The following AOPEP variants were observed in gnomAD, a reference collection of about 807,000 sequenced individuals.
AOPEP encodes the protein aminopeptidase O.
AOPEP carries 77 observed loss-of-function variants against 98.1 expected under a neutral mutation model. The observed-to-expected ratio is 0.78, with a 90% CI of 0.65 to 0.95. The LOEUF is 0.95. Among genes scored for constraint, AOPEP ranks in the 40% least tolerant of loss-of-function variants. The pLI is 0.00. For synonymous variants in AOPEP, 346 were observed against 365.3 expected (o/e 0.95, Z 0.60); for missense variants, 1,024 against 1,024.7 (o/e 1.00, Z 0.01).
intron 6 of AOPEP, among the ~76,000 whole-genome samples, chr9:94,926,892 A>T (rs569110983): frequency 6.6e-6 from 1 of 152,226 alleles, no homozygotes; most frequent in South Asian, 2.1e-4. Context: ...TTGTGAATCA[A>T]GTCAGTCGCA....
chr9:95,101,368 T>C, the AOPEP span: 5 of 412,374 alleles, frequency 1.2e-5, no homozygotes, highest in Admixed American at 1.9e-4. Flanking sequence ...AAATAATAGA[T>C]GTGCAGCTTG....
chr9:94,906,424 C>T (rs993361250), intron 5 of AOPEP, among the ~76,000 whole-genome samples: 6 of 150,440 alleles, frequency 4.0e-5, no homozygotes, highest in Admixed American at 1.3e-4. Flanking sequence ...CACTGTACTC[C>T]GGCCTGTGTG....
intron 5 of AOPEP, among the ~76,000 whole-genome samples, chr9:94,835,349 C>T (rs374526939): frequency 2.8e-4 from 43 of 152,224 alleles, no homozygotes; most frequent in African/African-American, 1.0e-3. Flanking sequence ...ATCTGTTGTC[C>T]GACCTGTGAT....
At chr9:95,122,575 G>A in the AOPEP span, among the ~76,000 whole-genome samples, 1 of 152,210 alleles carries the variant, frequency 6.6e-6, no homozygotes, top group Admixed American at 6.5e-5. Flanking sequence ...GACCCAGTGT[G>A]TGGTCCCACG....
chr9:95,017,508 G>A (rs185848070), intron 13 of AOPEP, among the ~76,000 whole-genome samples: 54 of 152,280 alleles, frequency 3.5e-4, no homozygotes, highest in African/African-American at 1.2e-3. Context: ...GTGACCCATC[G>A]TTGACTGAAA....
At chr9:95,044,311 G>T (rs780332344) in intron 13 of AOPEP, among the ~76,000 whole-genome samples, 18 of 150,862 alleles carry the variant, frequency 1.2e-4, no homozygotes, top group Non-Finnish European at 2.2e-4. Flanking sequence ...CTGCTAATGG[G>T]CACAAATGGA....
rs544626772 is a variant in AOPEP at position 94,826,427 on chromosome 9, C to T, written c.1364+25425C>T. Among the ~76,000 whole-genome samples, 48 of 152,310 alleles carry T rather than the reference C, an allele frequency of 3.2e-4. No homozygotes were observed. The South Asian group carries it at 6.2e-3, about 20-fold the overall frequency. Reference sequence around the variant, plus strand: ...AGACCCACTGGGGGGACCACAGAGCCTCTTCGTTCCCTTTTCCTGATCCAC... The same window carrying T: ...AGACCCACTGGGGGGACCACAGAGCTTCTTCGTTCCCTTTTCCTGATCCAC... On this transcript the variant is annotated intron_variant, in intron 5 of 16. Coordinates refer to ENST00000375315, the MANE Select transcript of AOPEP (RefSeq NM_001193329.3).
intron 5 of AOPEP, among the ~76,000 whole-genome samples, chr9:94,916,194 C>T (rs1437398473): frequency 6.6e-6 from 1 of 152,092 alleles, no homozygotes; most frequent in Non-Finnish European, 1.5e-5. Flanking sequence ...TTTATTAGCT[C>T]TTTTTATGGG....
At chr9:94,774,311 CAAAAAAA>C (rs34936539) in intron 3 of AOPEP, among the ~76,000 whole-genome samples, 11 of 67,818 alleles carry the variant, frequency 1.6e-4, no homozygotes, top group African/African-American at 6.6e-4. Context: ...GACTCCATCT[CAAAAAAA>C]AAAAAAAAAA....
intron 5 of AOPEP, chr9:94,824,484 T>C (rs1854018489): frequency 6.6e-6 from 1 of 152,220 alleles, no homozygotes; most frequent in Non-Finnish European, 1.5e-5. Flanking sequence ...AGAGAAAATT[T>C]CTGTTCTTCT....
intron 5 of AOPEP, among the ~76,000 whole-genome samples, chr9:94,893,450 A>G (rs1420866945): frequency 1.3e-5 from 2 of 152,194 alleles, no homozygotes; most frequent in African/African-American, 4.8e-5. Context: ...CGAGCCTGAA[A>G]AGGTAAGTAT....
At chr9:94,906,253 G>A (rs2051117240) in intron 5 of AOPEP, among the ~76,000 whole-genome samples, 7 of 150,532 alleles carry the variant, frequency 4.7e-5, no homozygotes, top group Admixed American at 4.6e-4. Flanking sequence ...GAGCCCAGGA[G>A]ATCGAGACCA....
chr9:94,922,317 C>T (rs2053743366), intron 5 of AOPEP, among the ~76,000 whole-genome samples: 2 of 152,130 alleles, frequency 1.3e-5, no homozygotes, highest in South Asian at 2.1e-4. Context: ...GGCTGGAGTC[C>T]GCCCTCCAGT....
At chr9:94,857,673 C>G (rs939728092) in intron 5 of AOPEP, among the ~76,000 whole-genome samples, 1 of 152,064 alleles carries the variant, frequency 6.6e-6, no homozygotes, top group Admixed American at 6.6e-5. Flanking sequence ...GTATTTCAAG[C>G]CAAACCCCAG....
rs146496185 is a variant in AOPEP, at chr9:94,963,034, G to A, written c.1873-4724G>A. ...GCTGGGATTACAGGCGTGAGCCACC[G>A]CATCCAGCCAATATTATCATCTTTG... On this transcript the variant is annotated intron_variant, in intron 9 of 16. Transcript: ENST00000375315. Among the ~76,000 whole-genome samples the A allele has an allele frequency of 3.8e-3, 572 of 152,156 alleles. 4 individuals are homozygous for A. The highest frequency in any genetic ancestry group is 0.031 in the Middle Eastern group (9 of 294).
rs562321737 is a variant in AOPEP, at chr9:94,774,507, T to C, written c.964+1339T>C. 3.3e-5 allele frequency among the ~76,000 whole-genome samples: 5 copies of C among 152,252 alleles called. No homozygotes were observed. The East Asian group carries it at 9.6e-4, about 29-fold the overall frequency. On this transcript the variant is annotated intron_variant, in intron 3 of 16. Transcript: ENST00000375315. ...ATCCTCAAATTGTGATAGCATATGA[T>C]GGTGTTTATTCTGCCTTTTTCACTT...
chr9:94,741,755 C>T (rs150256199), intron 1 of AOPEP, among the ~76,000 whole-genome samples: 271 of 152,270 alleles, frequency 1.8e-3, no homozygotes, highest in African/African-American at 4.1e-3. Flanking sequence ...AAAGAAGGTA[C>T]GTTTCTTGGT....
the AOPEP span, among the ~76,000 whole-genome samples, chr9:95,122,798 C>T: frequency 2.0e-5 from 3 of 152,164 alleles, no homozygotes; most frequent in Non-Finnish European, 4.4e-5. Context: ...GGTGAGACTC[C>T]CCAGAGGCCC....
chr9:94,860,899 C>T (rs535425921), intron 5 of AOPEP, among the ~76,000 whole-genome samples: 19 of 152,294 alleles, frequency 1.2e-4, no homozygotes, highest in Admixed American at 2.6e-4. Flanking sequence ...ACCGTTGAGT[C>T]AGGAGACTTG....
Sources: allele counts gnomAD v4.1 joint callset (sites outside exome capture counted in the v4.1 genomes callset), GRCh38; gene constraint gnomAD v4.1.1; transcripts MANE v1.5; gene names NCBI Gene and HGNC (gene_info 2026-07-23, HGNC 2026-07-21).